DLL4: variants seen among roughly 807,000 people sequenced by gnomAD.
DLL4 encodes the protein delta-like protein 4.
In DLL4, 7 loss-of-function variants were observed where a neutral mutation model predicts 73.6. That is an observed-to-expected ratio of 0.10 (90% CI 0.05 to 0.18). The LOEUF (loss-of-function observed/expected upper bound fraction) is 0.18. DLL4 is among the 10% of genes least tolerant of loss of function. The pLI is 1.00. For missense variants in DLL4, 614 were observed against 929.9 expected, an observed-to-expected ratio of 0.66 and a Z score of 4.42; for synonymous variants, 345 against 374.3, an observed-to-expected ratio of 0.92 and a Z score of 0.90.
intron 10 of DLL4, 95 bp downstream of exon 10, chr15:40,937,621 G>A: frequency 1.1e-6 from 1 of 945,518 alleles, no homozygotes; most frequent in Non-Finnish European, 1.7e-6. Context: ...GGGTAGGTCA[G>A]AACCCTGCCT....
Position 40,931,926 on chromosome 15 carries a change from G to A in DLL4, c.658+160G>A, listed in dbSNP as rs3212278. Among the ~76,000 whole-genome samples the A allele has an allele frequency of 0.58, 88,131 of 152,012 alleles. 26,426 individuals are homozygous for A. The highest frequency in any genetic ancestry group is 0.77 in the South Asian group (3,728 of 4,826). On this transcript the variant is annotated intron_variant, in intron 4 of 10. Transcript: ENST00000249749. Reference sequence around the variant, plus strand: ...GGGTGGGCTTGACCTCAGACCTCCTGTCTCTTCCCAGTGCTCCTCCCATCA... The same window carrying A: ...GGGTGGGCTTGACCTCAGACCTCCTATCTCTTCCCAGTGCTCCTCCCATCA...
Position 40,936,941 on chromosome 15 carries a change from C to T in DLL4, c.1943+11C>T. ...ACTGCGGTTACACAGGTGAGTGGCACCCAGAAGCCCAGGGCCTGGCCACCG... is the reference window on the plus strand; with the variant it reads ...ACTGCGGTTACACAGGTGAGTGGCATCCAGAAGCCCAGGGCCTGGCCACCG... On this transcript the variant is annotated intron_variant, in intron 9 of 10. Coordinates refer to ENST00000249749, the MANE Select transcript of DLL4 (RefSeq NM_019074.4). The T allele has an allele frequency of 4.5e-6, 7 of 1,566,756 alleles. No homozygotes were observed.
Position 40,930,327 on chromosome 15 carries a change from C to A in DLL4, c.336+211C>A, listed in dbSNP as rs1413046981. Reference sequence around the variant, plus strand: ...TCCGTCTTCCCAGTTTATGTCCTCCCGTCCCCAGCTCTTGGGACACGATTT... The same window carrying A: ...TCCGTCTTCCCAGTTTATGTCCTCCAGTCCCCAGCTCTTGGGACACGATTT... On this transcript the variant is annotated intron_variant, in intron 2 of 10. Coordinates refer to ENST00000249749, the MANE Select transcript of DLL4 (RefSeq NM_019074.4). The surrounding 1 kb of genome is among the most constrained non-coding windows in gnomAD (Gnocchi z 5.7). 8 of 691,742 alleles carry A rather than the reference C, an allele frequency of 1.2e-5. No homozygotes were observed. Among genetic ancestry groups the A allele is most frequent in the Non-Finnish European group, 1.4e-5 (6 of 417,950 alleles). The allele number at this position is 691,742 out of a possible 1,614,324, so 42.9% of individuals were successfully genotyped here.
chr15:40,938,198 T>TG lies in DLL4; in HGVS notation c.*165dup. On this transcript the variant is annotated 3_prime_UTR_variant, in exon 11 of 11. Transcript: ENST00000249749. Reference sequence around the variant, plus strand: ...GACAGACTGTGAACTTGCCAAGAGATGCAATACCCTTCCACACCTTTGGGT... The same window carrying TG: ...GACAGACTGTGAACTTGCCAAGAGATGGCAATACCCTTCCACACCTTTGGGT... 2 of 669,788 alleles carry TG rather than the reference T, an allele frequency of 3.0e-6. No homozygotes were observed. The highest frequency in any genetic ancestry group is 4.6e-6 in the Non-Finnish European group (2 of 433,940). 41.5% of individuals were successfully genotyped at this position (669,788 alleles called of 1,614,324 possible). A position where few individuals can be genotyped will look rare whatever the true frequency, so the allele number is the denominator to read the frequency against.
At position 40,932,375 on chromosome 15, in the gene DLL4, C is replaced by A. The variant is rs1892782918; in HGVS notation, c.778C>A (p.Arg260Ser). 1.2e-6 allele frequency: 2 copies of A among 1,613,944 alleles called. No homozygotes were observed. Among genetic ancestry groups the A allele is most frequent in the Non-Finnish European group, 1.7e-6 (2 of 1,179,902 alleles). ...CNECIPHNGC[R>S]HGTCSTPWQC... ...CGAATGCATCCCCCACAATGGCTGT[C>A]GCCACGGCACCTGCAGCACTCCCTG... is the stretch of plus-strand genomic sequence containing the variant. Residue 260 changes from arginine (R) to serine (S), a missense_variant, in exon 6 of 11, where the codon CGC (arginine) becomes AGC (serine). This residue lies in a region of DLL4 where 227 missense variants were observed against 370.8 expected (regional missense o/e 0.61). Coordinates refer to ENST00000249749, the MANE Select transcript of DLL4 (RefSeq NM_019074.4).
In DLL4 at chr15:40,936,701, T is replaced by A. The variant is rs745850839; in HGVS notation, c.1714T>A (p.Ser572Thr). 2.5e-6 allele frequency: 4 copies of A among 1,613,694 alleles called. No homozygotes were observed. Among genetic ancestry groups the A allele is most frequent in the South Asian group, 2.2e-5 (2 of 91,076 alleles). ...CAGCAGGGAAGCCATGAACAACTTGTCGGACTTCCAGAAGGACAACCTGAT... is the reference window on the plus strand; with the variant it reads ...CAGCAGGGAAGCCATGAACAACTTGACGGACTTCCAGAAGGACAACCTGAT... ...DGSREAMNNL[S>T]DFQKDNLIPA... The change falls in exon 9 of 11, where the codon TCG becomes ACG. Residue 572 changes from serine to threonine, a missense_variant. Transcript: ENST00000249749.
At chr15:40,931,220 C>G (rs551698628) in intron 3 of DLL4, 102 of 512,972 alleles carry the variant, frequency 2.0e-4, no homozygotes, top group African/African-American at 1.9e-3. Context: ...CCTCTTTCCC[C>G]TCCCTATCTG....
At chr15:40,931,813 G>A in intron 4 of DLL4, 47 bp downstream of exon 4, 1 of 1,605,230 alleles carries the variant, frequency 6.2e-7, no homozygotes, top group South Asian at 1.1e-5. Flanking sequence ...GGTCCCCTGA[G>A]GAAACACAGT....
rs781179720 is a variant in DLL4 at position 40,931,702 on chromosome 15, T to C, written c.594T>C (p.Tyr198=). 2 of 1,613,896 alleles carry C rather than the reference T, an allele frequency of 1.2e-6. No individual in the cohort carries two copies. The highest frequency in any genetic ancestry group is 1.1e-5 in the South Asian group (1 of 91,064). Residue 198 remains tyrosine, a synonymous_variant, in exon 4 of 11, where the codon TAT becomes TAC. Coordinates refer to ENST00000249749, the MANE Select transcript of DLL4 (RefSeq NM_019074.4). Reference sequence around the variant, plus strand: ...AGCGCAATGACCACTTCGGCCACTATGTGTGCCAGCCAGATGGCAACTTGT... The same window carrying C: ...AGCGCAATGACCACTTCGGCCACTACGTGTGCCAGCCAGATGGCAACTTGT... ...CKKRNDHFGH[Y]VCQPDGNLSC... is the part of the protein sequence containing the mutation.
rs2140368935 is a variant in DLL4, at chr15:40,930,933, A to C, written c.394+251A>C. The C allele has an allele frequency of 1.7e-6, 1 of 580,236 alleles. No homozygotes were observed. The highest frequency in any genetic ancestry group is 3.1e-5 in the Admixed American group (1 of 31,970). The allele number at this position is 580,236 out of a possible 1,614,324, so 35.9% of individuals were successfully genotyped here. On this transcript the variant is annotated intron_variant, in intron 3 of 10. Coordinates refer to ENST00000249749, the MANE Select transcript of DLL4 (RefSeq NM_019074.4). This position sits in a 1 kb window ranked among gnomAD's most constrained non-coding sequence, Gnocchi z 5.7. Reference sequence around the variant, plus strand: ...GGCGGTGAGAAAGGCTGAAGCTGCCAGCGCCGCTGACGGGCCCCTTCCTGT... The same window carrying C: ...GGCGGTGAGAAAGGCTGAAGCTGCCCGCGCCGCTGACGGGCCCCTTCCTGT...
At chr15:40,937,244 C>G (rs1892858261) in intron 9 of DLL4, among the ~76,000 whole-genome samples, 174 bp from the exon 10 acceptor site, 1 of 152,150 alleles carries the variant, frequency 6.6e-6, no homozygotes, top group Non-Finnish European at 1.5e-5. Flanking sequence ...GCCTGTGACT[C>G]TCTTAGGGGC....
rs1325202269 is a variant in DLL4 at position 40,938,101 on chromosome 15, T to C, written c.*67T>C. 6.8e-7 allele frequency: 1 copy of C among 1,462,942 alleles called. No homozygotes were observed. Among genetic ancestry groups the C allele is most frequent in the East Asian group, 2.5e-5 (1 of 39,816 alleles). 90.6% of individuals were successfully genotyped at this position (1,462,942 alleles called of 1,614,324 possible). ...GGACCTTCCTTCTGCATTGTTTACA[T>C]TGCATCCTGGATGGGACGTTTTTCA... On this transcript the variant is annotated 3_prime_UTR_variant, in exon 11 of 11. Coordinates refer to ENST00000249749, the MANE Select transcript of DLL4 (RefSeq NM_019074.4).
rs143420190 is a variant in DLL4 at position 40,935,369 on chromosome 15, G to A, written c.1240+252G>A. On this transcript the variant is annotated intron_variant, in intron 8 of 10. Transcript: ENST00000249749. ...ATTCCTATTCCCATGTCAGAACCCC[G>A]TCCTGGCTGGGGTGGCCTCTGACCC... 1.8e-3 allele frequency among the ~76,000 whole-genome samples: 279 copies of A among 152,316 alleles called. 4 individuals are homozygous for A. The highest frequency in any genetic ancestry group is 5.4e-3 in the African/African-American group (226 of 41,568).
In DLL4 at chr15:40,934,921, C is replaced by T; in HGVS notation, c.1044C>T (p.Cys348=). The T allele has an allele frequency of 1.2e-6, 2 of 1,613,694 alleles. No individual in the cohort carries two copies. Among genetic ancestry groups the T allele is most frequent in the Non-Finnish European group, 1.7e-6 (2 of 1,179,874 alleles). The change falls in exon 8 of 11, where the codon TGC becomes TGT. Residue 348 remains cysteine, a synonymous_variant. Coordinates refer to ENST00000249749, the MANE Select transcript of DLL4 (RefSeq NM_019074.4). ...AGGACCAGGAGGATGGCTACCACTG[C>T]CTGTGTCCTCCGGGCTACTATGGCC... is the stretch of plus-strand genomic sequence containing the variant. ...SCKDQEDGYH[C]LCPPGYYGLH...
intron 9 of DLL4, 144 bp downstream of exon 9, chr15:40,937,074 G>T (rs1892856750): frequency 1.4e-6 from 1 of 701,922 alleles, no homozygotes; most frequent in East Asian, 2.7e-5. Flanking sequence ...TTCTGTCAGG[G>T]GTCCTTTGTC....
chr15:40,934,182 C>A (rs952970018), intron 6 of DLL4, among the ~76,000 whole-genome samples: 2 of 151,604 alleles, frequency 1.3e-5, no homozygotes, highest in Admixed American at 6.6e-5. Flanking sequence ...AAATATTAAT[C>A]GGGCACAGTG....
rs748023227 is a variant in DLL4 at position 40,930,055 on chromosome 15, G to C, written c.275G>C (p.Arg92Pro). The change falls in exon 2 of 11, where the codon CGG becomes CCG. Residue 92 changes from arginine (R) to proline (P), a missense_variant. Arg to Pro is a moderately radical substitution (Grantham distance 103, BLOSUM62 -2). This residue lies in a region of DLL4 where 227 missense variants were observed against 370.8 expected (regional missense o/e 0.61). Transcript: ENST00000249749. The surrounding 1 kb of genome is among the most constrained non-coding windows in gnomAD (Gnocchi z 5.7). ...PVLGTNSFAVRDDSSGGGRNP... is the reference protein window; with the variant it reads ...PVLGTNSFAVPDDSSGGGRNP... ...TTGGGCACCAACTCCTTCGCTGTCC[G>C]GGACGACAGTAGCGGCGGGGGGCGC... The C allele has an allele frequency of 1.6e-5, 26 of 1,612,596 alleles. No individual in the cohort carries two copies. In the East Asian group the frequency reaches 3.1e-4, roughly 19 times the overall value.
In DLL4 at chr15:40,930,573, C is replaced by T. The variant is rs974200239; in HGVS notation, c.337-52C>T. On this transcript the variant is annotated intron_variant, in intron 2 of 10. Coordinates refer to ENST00000249749, the MANE Select transcript of DLL4 (RefSeq NM_019074.4). This position sits in a 1 kb window ranked among gnomAD's most constrained non-coding sequence, Gnocchi z 5.7. ...AGGCTGCCGCAAGGCACCCCCACCTCTCCCCGCTTGCTCATCTCGCCATCT... is the reference window on the plus strand; with the variant it reads ...AGGCTGCCGCAAGGCACCCCCACCTTTCCCCGCTTGCTCATCTCGCCATCT... 6.6e-7 allele frequency: 1 copy of T among 1,522,070 alleles called. No homozygotes were observed. The highest frequency in any genetic ancestry group is 9.1e-7 in the Non-Finnish European group (1 of 1,099,700). The allele number at this position is 1,522,070 out of a possible 1,614,324, so 94.3% of individuals were successfully genotyped here.
At chr15:40,933,269 TGTG>T (rs1892795276) in intron 6 of DLL4, among the ~76,000 whole-genome samples, 1 of 38,842 alleles carries the variant, frequency 2.6e-5, no homozygotes, top group Admixed American at 3.6e-4. Flanking sequence ...GTCCCTGTGT[TGTG>T]TGTGTGTGTG....
Sources: gnomAD v4.1 joint callset for allele counts (sites outside exome capture counted in the v4.1 genomes callset) on GRCh38, gnomAD v4.1.1 for gene constraint, gnomAD v4.1.1 regional missense constraint, Gnocchi (gnomAD v3.1) non-coding constraint, MANE v1.5 for transcripts, NCBI Gene and HGNC (gene_info 2026-07-23, HGNC 2026-07-21) for gene names.